The following MICAL2 variants were observed in gnomAD, a reference collection of about 807,000 sequenced individuals.
The protein encoded by MICAL2 is microtubule associated monooxygenase, calponin and LIM domain containing 2, also known as [F-actin]-monooxygenase MICAL2.
A neutral mutation model predicts 127.3 loss-of-function variants in MICAL2; 77 were observed. That is an observed-to-expected ratio of 0.60 (90% CI 0.50 to 0.73). MICAL2 has a LOEUF of 0.73. Among genes scored for constraint, MICAL2 ranks in the 30% least tolerant of loss-of-function variants. The pLI is 0.00. For synonymous variants in MICAL2, 570 were observed against 551.1 expected, an observed-to-expected ratio of 1.03 and a Z score of -0.48; for missense variants, 1,351 against 1,434.4, an observed-to-expected ratio of 0.94 and a Z score of 0.94.
rs557785869 is a variant in MICAL2 at position 12,189,272 on chromosome 11, C to A, written c.265-14978C>A. Among the ~76,000 whole-genome samples the A allele has an allele frequency of 1.1e-4, 16 of 152,286 alleles. No individual in the cohort carries two copies. The South Asian group carries it at 3.3e-3, about 32-fold the overall frequency. ...CCCAGTCCCCACTATGTGTAAAGTT[C>A]TCTTGCTCAGGAACCTTGATGTTTT... is the stretch of plus-strand genomic sequence containing the variant. On this transcript the variant is annotated intron_variant, in intron 3 of 27. Coordinates refer to ENST00000683283, the MANE Select transcript of MICAL2 (RefSeq NM_001282663.2).
intron 7 of MICAL2, 34 bp downstream of exon 7, chr11:12,213,444 G>A: frequency 6.3e-7 from 1 of 1,597,572 alleles, no homozygotes; most frequent in Non-Finnish European, 8.5e-7. Context: ...ACCAGGCCAA[G>A]GTCTAAAGTT....
chr11:12,268,784 A>G (rs969993185), downstream of MICAL2, among the ~76,000 whole-genome samples: 1 of 151,794 alleles, frequency 6.6e-6, no homozygotes, highest in African/African-American at 2.4e-5. Flanking sequence ...AGGTTAGGAG[A>G]TCGAGACCAT....
upstream of MICAL2, chr11:12,274,219 G>C (rs1358120499): frequency 6.6e-6 from 1 of 152,162 alleles, no homozygotes; most frequent in African/African-American, 2.4e-5. Flanking sequence ...AATGACACCT[G>C]TTCTCTGGAC....
At chr11:12,143,052 A>C (rs893252979) in intron 2 of MICAL2, among the ~76,000 whole-genome samples, 1 of 152,240 alleles carries the variant, frequency 6.6e-6, no homozygotes, top group Non-Finnish European at 1.5e-5. Flanking sequence ...GTGGTGGGAC[A>C]GATGTATATG....
downstream of MICAL2, among the ~76,000 whole-genome samples, chr11:12,360,761 C>T (rs1257224894): frequency 6.6e-6 from 1 of 152,194 alleles, no homozygotes; most frequent in African/African-American, 2.4e-5. Flanking sequence ...TGTTCACTTG[C>T]TTTCACAGGC....
At chr11:12,317,860 G>A (rs944539512) in intron 29 of MICAL2, among the ~76,000 whole-genome samples, 8 of 152,020 alleles carry the variant, frequency 5.3e-5, no homozygotes, top group African/African-American at 1.7e-4. Context: ...AGACTCAGTG[G>A]CAACTATATA....
chr11:12,352,003 G>A (rs1939058333), intron 33 of MICAL2, among the ~76,000 whole-genome samples: 1 of 152,036 alleles, frequency 6.6e-6, no homozygotes, highest in Non-Finnish European at 1.5e-5. Context: ...GACCAGGCTG[G>A]TCTCGAACTC....
At chr11:12,141,947 A>C (rs1852390775) in intron 2 of MICAL2, among the ~76,000 whole-genome samples, 1 of 152,244 alleles carries the variant, frequency 6.6e-6, no homozygotes, top group South Asian at 2.1e-4. Context: ...ATTAAAGCTG[A>C]AAAGAACGAC....
chr11:12,285,140 A>G (rs928767217), intron 2 of MICAL2, among the ~76,000 whole-genome samples: 12 of 152,156 alleles, frequency 7.9e-5, no homozygotes, highest in Non-Finnish European at 1.5e-5. Flanking sequence ...AGATGAACTC[A>G]TAGGGAGTCA....
Position 12,284,913 on chromosome 11 carries a change from G to A in MICAL2, c.255-2174G>A, listed in dbSNP as rs540728054. On this transcript the variant is annotated intron_variant, in intron 2 of 2. Transcript: ENST00000529028. ...GCGCCTCCAAATGTAACCACCCGAA[G>A]GGTTCTCCTTGCCTGCTGCCTAGAC... Among the ~76,000 whole-genome samples the A allele has an allele frequency of 2.6e-3, 392 of 152,282 alleles. 4 individuals carry two copies. Among genetic ancestry groups the A allele is most frequent in the Middle Eastern group, 0.024 (7 of 294 alleles).
intron 32 of MICAL2, among the ~76,000 whole-genome samples, chr11:12,340,414 T>C (rs1938843799): frequency 6.6e-6 from 1 of 152,186 alleles, no homozygotes; most frequent in Non-Finnish European, 1.5e-5. Context: ...AGGGACAAGG[T>C]GCACTCTTAT....
At chr11:12,345,255 A>G (rs1197474645) in intron 32 of MICAL2, among the ~76,000 whole-genome samples, 5 of 152,228 alleles carry the variant, frequency 3.3e-5, no homozygotes, top group Non-Finnish European at 5.9e-5. Context: ...TGGAGTTGCA[A>G]GGTTTGTAGT....
downstream of MICAL2, among the ~76,000 whole-genome samples, chr11:12,295,112 T>G (rs1048386999): frequency 6.6e-6 from 1 of 150,686 alleles, no homozygotes; most frequent in Non-Finnish European, 1.5e-5. Context: ...CATAGGAATA[T>G]TTTTTACTAA....
chr11:12,228,032 G>C (rs1857699327), intron 15 of MICAL2, among the ~76,000 whole-genome samples: 1 of 152,164 alleles, frequency 6.6e-6, no homozygotes, highest in African/African-American at 2.4e-5. Context: ...ACATTTTACA[G>C]ATAAAAATGG....
intron 34 of MICAL2, among the ~76,000 whole-genome samples, chr11:12,356,688 A>G (rs2134912504): frequency 6.6e-6 from 1 of 152,206 alleles, no homozygotes; most frequent in Admixed American, 6.5e-5. Flanking sequence ...ATGGCTAGAC[A>G]GTCTCTCCTG....
intron 2 of MICAL2, among the ~76,000 whole-genome samples, chr11:12,146,632 A>T (rs962011122): frequency 2.6e-5 from 4 of 152,230 alleles, no homozygotes; most frequent in Admixed American, 6.5e-5. Context: ...AACTAGTTCA[A>T]CCATTGTGGA....
chr11:12,139,685 G>A (rs1209996709), intron 2 of MICAL2, among the ~76,000 whole-genome samples: 1 of 152,172 alleles, frequency 6.6e-6, no homozygotes, highest in African/African-American at 2.4e-5. Flanking sequence ...CAGGCAAAGA[G>A]CTGATTGGCC....
chr11:12,171,531 T>C (rs1856250101), intron 3 of MICAL2, among the ~76,000 whole-genome samples: 1 of 152,242 alleles, frequency 6.6e-6, no homozygotes, highest in Admixed American at 6.5e-5. Flanking sequence ...GTCTATCTCC[T>C]ACTCAACAGG....
intron 3 of MICAL2, among the ~76,000 whole-genome samples, chr11:12,188,485 G>A (rs544800658): frequency 3.9e-5 from 6 of 152,086 alleles, no homozygotes; most frequent in Admixed American, 1.3e-4. Context: ...GGAAGAGGCC[G>A]GGGAAGCTGC....
Sources: gnomAD v4.1 joint callset for allele counts (sites outside exome capture counted in the v4.1 genomes callset) on GRCh38, gnomAD v4.1.1 for gene constraint, MANE v1.5 for transcripts, NCBI Gene and HGNC (gene_info 2026-07-23, HGNC 2026-07-21) for gene names.